AGAP3: variants seen among roughly 807,000 people sequenced by gnomAD.
The protein encoded by AGAP3 is ArfGAP with GTPase domain, ankyrin repeat and PH domain 3, also known as arf-GAP with GTPase, ANK repeat and PH domain-containing protein 3.
In AGAP3, 24 loss-of-function variants were observed where a neutral mutation model predicts 96.9. The ratio of observed to expected loss-of-function variants is 0.25; its 90% CI spans 0.18 to 0.35. The LOEUF (loss-of-function observed/expected upper bound fraction) is 0.35, where lower values mean the gene tolerates loss of function less well. AGAP3 is among the 10% of genes least tolerant of loss of function. AGAP3 has a pLI of 1.00. For missense variants in AGAP3, 876 were observed against 1,254.2 expected (o/e 0.70, Z 4.55); for synonymous variants, 563 against 536.1 (o/e 1.05, Z -0.69).
At chr7:151,099,071 C>T (rs961999094) in intron 1 of AGAP3, among the ~76,000 whole-genome samples, 3 of 151,718 alleles carry the variant, frequency 2.0e-5, no homozygotes, top group East Asian at 2.0e-4. Context: ...GGGCTGGGCA[C>T]GGTGGCTCAC....
At chr7:151,091,200 G>A (rs940119485) in intron 1 of AGAP3, among the ~76,000 whole-genome samples, 1 of 152,214 alleles carries the variant, frequency 6.6e-6, no homozygotes, top group Non-Finnish European at 1.5e-5. Context: ...ACACACTGCT[G>A]AGGTTCCCTT....
Position 151,114,786 on chromosome 7 carries a change from C to T in AGAP3, c.332-2007C>T. On this transcript the variant is annotated intron_variant, in intron 1 of 17. Coordinates refer to ENST00000397238, the MANE Select transcript of AGAP3 (RefSeq NM_031946.7). The surrounding 1 kb of genome is among the most constrained non-coding windows in gnomAD (Gnocchi z 4.4). ...GGCCCTGAGCATGGAGCGGGGCTGG[C>T]CGCAGGGGGACAGCTGTCCCGGGGA... The T allele has an allele frequency of 9.7e-7, 1 of 1,035,434 alleles. No homozygotes were observed. The highest frequency in any genetic ancestry group is 5.8e-5 in the Admixed American group (1 of 17,296). 64.1% of individuals were successfully genotyped at this position (1,035,434 alleles called of 1,614,324 possible). A position where few individuals can be genotyped will look rare whatever the true frequency, so the allele number is the denominator to read the frequency against.
chr7:151,119,943 G>T (rs1487169812), intron 7 of AGAP3, 44 bp from the exon 8 acceptor site: 2 of 1,603,170 alleles, frequency 1.2e-6, no homozygotes, highest in East Asian at 2.2e-5. Context: ...TGCCCGTCCC[G>T]CCCCTGACCC....
rs370991943 is a variant in AGAP3, at chr7:151,142,372, C to G, written c.2051-40C>G. 6.3e-5 allele frequency: 101 copies of G among 1,602,704 alleles called. No individual in the cohort carries two copies. The highest frequency in any genetic ancestry group is 8.4e-5 in the Non-Finnish European group (98 of 1,171,148). Reference sequence around the variant, plus strand: ...CCTAGTTGTCCCGCGCTCTGGTGGCCTGCCTGCTGTCGCTGTATCATTCTC... The same window carrying G: ...CCTAGTTGTCCCGCGCTCTGGTGGCGTGCCTGCTGTCGCTGTATCATTCTC... On this transcript the variant is annotated intron_variant, in intron 15 of 17. Coordinates refer to ENST00000397238, the MANE Select transcript of AGAP3 (RefSeq NM_031946.7). The surrounding 1 kb of genome is among the most constrained non-coding windows in gnomAD (Gnocchi z 7.5).
intron 9 of AGAP3, among the ~76,000 whole-genome samples, chr7:151,126,430 G>A (rs1208760461): frequency 1.4e-5 from 1 of 70,126 alleles, no homozygotes; most frequent in Non-Finnish European, 2.9e-5. Context: ...GAGAGGCTGG[G>A]AGAGGCTGGG....
rs1407816078 is a variant in AGAP3 at position 151,086,688 on chromosome 7, G to T, written c.-54G>T. On this transcript the variant is annotated 5_prime_UTR_variant, in exon 1 of 18. Coordinates refer to ENST00000397238, the MANE Select transcript of AGAP3 (RefSeq NM_031946.7). ...CGCCGCTGCCGCCGCCGCCGCCGCC[G>T]CCGCCTCCGCCGCGCCGCCCCGGGC... The T allele has an allele frequency of 1.4e-5, 3 of 211,372 alleles. No individual in the cohort carries two copies. The highest frequency in any genetic ancestry group is 2.6e-5 in the African/African-American group (1 of 38,886). 13.1% of individuals were successfully genotyped at this position (211,372 alleles called of 1,614,324 possible). A position where few individuals can be genotyped will look rare whatever the true frequency, so the allele number is the denominator to read the frequency against.
intron 8 of AGAP3, chr7:151,121,013 G>T: frequency 4.1e-6 from 1 of 244,760 alleles, no homozygotes; most frequent in African/African-American, 2.3e-5. Flanking sequence ...CCGCCCCTCC[G>T]CGTCACTCCA....
In AGAP3 at chr7:151,128,882, T is replaced by G. The variant is rs187526364; in HGVS notation, c.1326+198T>G. 3.3e-3 allele frequency among the ~76,000 whole-genome samples: 498 copies of G among 152,300 alleles called. 4 individuals carry two copies. The highest frequency in any genetic ancestry group is 0.011 in the African/African-American group (470 of 41,562). ...GACCCGGCTGGCCCCTCCCTTGCCC[T>G]CTGGGCGGTCAAGCTGTATATCCGA... On this transcript the variant is annotated intron_variant, in intron 10 of 17. Coordinates refer to ENST00000397238, the MANE Select transcript of AGAP3 (RefSeq NM_031946.7).
In AGAP3 at chr7:151,142,256, G is replaced by A. The variant is rs1800845740; in HGVS notation, c.2050+3G>A. ...TTGTATCGACTGCGATGCACCCAGT[G>A]AGTGCAAGGCTGGTGGGGCTGGGAG... On this transcript the variant is annotated splice_donor_region_variant and intron_variant, in intron 15 of 17. Transcript: ENST00000397238. The surrounding 1 kb of genome is among the most constrained non-coding windows in gnomAD (Gnocchi z 7.5). The A allele has an allele frequency of 1.9e-6, 3 of 1,612,566 alleles. No individual in the cohort carries two copies. Among genetic ancestry groups the A allele is most frequent in the Non-Finnish European group, 1.7e-6 (2 of 1,179,858 alleles).
At chr7:151,100,714 C>T (rs914581569) in intron 1 of AGAP3, among the ~76,000 whole-genome samples, 4 of 152,202 alleles carry the variant, frequency 2.6e-5, no homozygotes, top group African/African-American at 4.8e-5. Flanking sequence ...TGGTGGTGCA[C>T]GCCTGTAGTC....
chr7:151,138,351 G>A (rs1279289585), intron 12 of AGAP3, 38 bp downstream of exon 12: 6 of 1,573,348 alleles, frequency 3.8e-6, no homozygotes, highest in Non-Finnish European at 5.2e-6. Context: ...CTTTTCTGGG[G>A]CCCCAGTGAC....
At chr7:151,110,564 G>A (rs948092414) in intron 1 of AGAP3, among the ~76,000 whole-genome samples, 3 of 152,220 alleles carry the variant, frequency 2.0e-5, no homozygotes, top group Non-Finnish European at 1.5e-5. Flanking sequence ...GAGAGCCATT[G>A]CAGGGCTTTG....
At position 151,118,050 on chromosome 7, in the gene AGAP3, T is replaced by TG; in HGVS notation, c.707-158dup. 1 of 1,027,710 alleles carries TG rather than the reference T, an allele frequency of 9.7e-7. No individual in the cohort carries two copies. The highest frequency in any genetic ancestry group is 1.7e-5 in the South Asian group (1 of 58,712). The allele number at this position is 1,027,710 out of a possible 1,614,324, so 63.7% of individuals were successfully genotyped here. On this transcript the variant is annotated intron_variant, in intron 5 of 17. Coordinates refer to ENST00000397238, the MANE Select transcript of AGAP3 (RefSeq NM_031946.7). The surrounding 1 kb of genome is among the most constrained non-coding windows in gnomAD (Gnocchi z 6.1). ...TGCTGGTTTGCACTCAGTGAGGCCATGGAAGGGTTGAAATGAGACCCAGGC... is the reference window on the plus strand; with the variant it reads ...TGCTGGTTTGCACTCAGTGAGGCCATGGGAAGGGTTGAAATGAGACCCAGGC...
intron 1 of AGAP3, chr7:151,089,806 C>T (rs1272673199): frequency 6.6e-6 from 1 of 151,974 alleles, no homozygotes; most frequent in African/African-American, 2.4e-5. Context: ...GAAGTACAGC[C>T]TTCAGCTGGG....
intron 1 of AGAP3, chr7:151,116,403 C>T: frequency 4.6e-6 from 1 of 216,676 alleles, no homozygotes; most frequent in Non-Finnish European, 9.1e-6. Context: ...GGTGCCCAGC[C>T]CTTGGGTCTG....
Position 151,114,491 on chromosome 7 carries a change from G to A in AGAP3, c.332-2302G>A, listed in dbSNP as rs1041489607. On this transcript the variant is annotated intron_variant, in intron 1 of 17. Coordinates refer to ENST00000397238, the MANE Select transcript of AGAP3 (RefSeq NM_031946.7). This position sits in a 1 kb window ranked among gnomAD's most constrained non-coding sequence, Gnocchi z 4.4. ...CTGGGCTGGAATTTCCTGTTTTCGA[G>A]GGCTCCCAGGGGCTGCCCCAGCAGG... Among the ~76,000 whole-genome samples the A allele has an allele frequency of 6.4e-4, 97 of 152,326 alleles. No individual in the cohort carries two copies. The highest frequency in any genetic ancestry group is 2.3e-3 in the African/African-American group (94 of 41,580).
Position 151,116,806 on chromosome 7 carries a change from C to T in AGAP3, c.345C>T (p.Asn115=), listed in dbSNP as rs750655059. 1.9e-6 allele frequency: 3 copies of T among 1,614,108 alleles called. No homozygotes were observed. The highest frequency in any genetic ancestry group is 2.2e-5 in the East Asian group (1 of 44,860). ...TGTCTTCCGCAGACTCGTTTGTGAA[C>T]AGCCAGGAGTGGACGCTGAGCCGCT... ...HVISIEDSFV[N]SQEWTLSRSV... is the part of the protein sequence containing the mutation. Residue 115 remains asparagine, a synonymous_variant, in exon 2 of 18, where the codon AAC becomes AAT. Coordinates refer to ENST00000397238, the MANE Select transcript of AGAP3 (RefSeq NM_031946.7).
intron 9 of AGAP3, among the ~76,000 whole-genome samples, chr7:151,125,763 G>A (rs981275550): frequency 6.6e-6 from 1 of 152,244 alleles, no homozygotes; most frequent in Non-Finnish European, 1.5e-5. Context: ...CTCCTGCTGG[G>A]AGTGGAGATT....
chr7:151,093,877 G>A (rs1284745845), intron 1 of AGAP3, among the ~76,000 whole-genome samples: 1 of 152,204 alleles, frequency 6.6e-6, no homozygotes, highest in Non-Finnish European at 1.5e-5. Flanking sequence ...TGTCTATGCA[G>A]CTAGGGGTGA....
Sources: allele counts gnomAD v4.1 joint callset (sites outside exome capture counted in the v4.1 genomes callset), GRCh38; gene constraint gnomAD v4.1.1; non-coding constraint Gnocchi (gnomAD v3.1); transcripts MANE v1.5; gene names NCBI Gene and HGNC (gene_info 2026-07-23, HGNC 2026-07-21).